GPR39: variants seen among roughly 807,000 people sequenced by gnomAD.
GPR39 encodes the protein G protein-coupled receptor 39, also known as zinc sensing receptor.
A neutral mutation model predicts 18.4 loss-of-function variants in GPR39; 23 were observed. The ratio of observed to expected loss-of-function variants is 1.25; its 90% CI spans 0.90 to 1.77. The LOEUF (loss-of-function observed/expected upper bound fraction) is 1.77, where lower values mean the gene tolerates loss of function less well. Among genes scored for constraint, GPR39 ranks in the 40% most tolerant of loss-of-function variants. The probability of loss-of-function intolerance (pLI) is 0.00; values close to 1 mark genes in which losing one functional copy is unlikely to be tolerated. For missense variants in GPR39, 647 were observed against 602.4 expected (o/e 1.07, Z -0.78); for synonymous variants, 280 against 257.9 (o/e 1.09, Z -0.82).
chr2:132,610,777 CAAAAAAAAAA>C (rs34611787), intron 1 of GPR39, among the ~76,000 whole-genome samples: 1 of 88,726 alleles, frequency 1.1e-5, no homozygotes, highest in Non-Finnish European at 2.2e-5. Flanking sequence ...ACTCTGTCTC[CAAAAAAAAAA>C]AAAAAAAAAA....
intron 1 of GPR39, among the ~76,000 whole-genome samples, chr2:132,516,051 G>A (rs377037185): frequency 2.6e-5 from 4 of 152,168 alleles, no homozygotes; most frequent in East Asian, 1.9e-4. Context: ...AGTGACTGAC[G>A]GAAAGATCTT....
chr2:132,457,637 C>T (rs7587810), intron 1 of GPR39, among the ~76,000 whole-genome samples: 76,291 of 152,108 alleles, frequency 0.5, 20,884 homozygotes, highest in Non-Finnish European at 0.62. Flanking sequence ...GCTCAAACGT[C>T]GTGCTGGGAG....
chr2:132,498,255 T>C (rs932987177), intron 1 of GPR39, among the ~76,000 whole-genome samples: 5 of 152,134 alleles, frequency 3.3e-5, no homozygotes, highest in African/African-American at 9.7e-5. Flanking sequence ...CCCTTTACCC[T>C]GAGTCCCCAA....
chr2:132,621,179 T>C (rs1401789160), intron 1 of GPR39, among the ~76,000 whole-genome samples: 1 of 152,052 alleles, frequency 6.6e-6, no homozygotes, highest in African/African-American at 2.4e-5. Flanking sequence ...ATCCCTAGAG[T>C]CCCTCTCCCA....
chr2:132,438,886 G>A (rs1012990392), intron 1 of GPR39, among the ~76,000 whole-genome samples: 1 of 152,168 alleles, frequency 6.6e-6, no homozygotes, highest in Non-Finnish European at 1.5e-5. Flanking sequence ...TTCCATGGCT[G>A]TCGGAATTCC....
chr2:132,513,276 C>T (rs900354477), intron 1 of GPR39, among the ~76,000 whole-genome samples: 2 of 146,762 alleles, frequency 1.4e-5, no homozygotes, highest in Non-Finnish European at 3.0e-5. Flanking sequence ...AGTGCAGAAT[C>T]AACAGTCTGC....
At chr2:132,644,106 TTGTCAC>T (rs1681932196) in intron 1 of GPR39, among the ~76,000 whole-genome samples, 3 of 152,228 alleles carry the variant, frequency 2.0e-5, no homozygotes, top group South Asian at 2.1e-4. Context: ...TTTTTTGCTT[TTGTCAC>T]TGTAACTAAA....
chr2:132,533,212 G>C (rs551591808), intron 1 of GPR39, among the ~76,000 whole-genome samples: 8 of 152,192 alleles, frequency 5.3e-5, no homozygotes, highest in Admixed American at 3.3e-4. Context: ...CAGACAAACA[G>C]AGAGCCAAAT....
intron 1 of GPR39, among the ~76,000 whole-genome samples, chr2:132,454,732 G>A (rs1275948277): frequency 6.6e-6 from 1 of 152,132 alleles, no homozygotes; most frequent in Non-Finnish European, 1.5e-5. Context: ...TGCATCTATT[G>A]AGATAATCAT....
intron 1 of GPR39, among the ~76,000 whole-genome samples, chr2:132,490,547 A>AGG (rs1254596971): frequency 6.6e-6 from 1 of 151,982 alleles, no homozygotes; most frequent in Non-Finnish European, 1.5e-5. Context: ...GTTAACATCT[A>AGG]GTCGGAGAGA....
chr2:132,459,933 G>A (rs1680802352), intron 1 of GPR39, among the ~76,000 whole-genome samples: 1 of 152,188 alleles, frequency 6.6e-6, no homozygotes, highest in African/African-American at 2.4e-5. Flanking sequence ...AAATCACAAT[G>A]TTCCTGGTAG....
chr2:132,567,527 G>T (rs1356853451), intron 1 of GPR39, among the ~76,000 whole-genome samples: 1 of 152,056 alleles, frequency 6.6e-6, no homozygotes, highest in African/African-American at 2.4e-5. Context: ...CACTCTGCAG[G>T]GTCCCCACCA....
Position 132,645,869 on chromosome 2 carries a change from T to TATTC in GPR39, c.*265_*268dup. ...ACTGAAAATTCAGTCAGGCTGAATT[T>TATTC]ATTCAGAATGCTTTACCGAGCTCTT... On this transcript the variant is annotated 3_prime_UTR_variant, in exon 2 of 2. Transcript: ENST00000329321. The TATTC allele has an allele frequency of 1.5e-6, 1 of 658,378 alleles. No homozygotes were observed. The highest frequency in any genetic ancestry group is 2.2e-5 in the South Asian group (1 of 45,308). 40.8% of individuals were successfully genotyped at this position (658,378 alleles called of 1,614,324 possible).
chr2:132,579,526 T>C (rs1680588857), intron 1 of GPR39, among the ~76,000 whole-genome samples: 1 of 152,252 alleles, frequency 6.6e-6, no homozygotes, highest in South Asian at 2.1e-4. Context: ...TTATGACTAG[T>C]TCTACTAATT....
chr2:132,433,454 G>C (rs540396412), intron 1 of GPR39, among the ~76,000 whole-genome samples: 1 of 151,932 alleles, frequency 6.6e-6, no homozygotes, highest in Non-Finnish European at 1.5e-5. Context: ...AAGTGATCTC[G>C]TGGGCTTCTC....
At chr2:132,631,444 G>A (rs897101481) in intron 1 of GPR39, among the ~76,000 whole-genome samples, 5 of 152,162 alleles carry the variant, frequency 3.3e-5, no homozygotes, top group African/African-American at 1.2e-4. Flanking sequence ...ATCCTCATCT[G>A]ATCATTCTTG....
At chr2:132,595,401 G>A (rs970226666) in intron 1 of GPR39, among the ~76,000 whole-genome samples, 1 of 152,102 alleles carries the variant, frequency 6.6e-6, no homozygotes, top group African/African-American at 2.4e-5. Flanking sequence ...GTTACCATGG[G>A]CCTAATTTTG....
chr2:132,433,382 T>C (rs1680257342), intron 1 of GPR39, among the ~76,000 whole-genome samples: 1 of 152,172 alleles, frequency 6.6e-6, no homozygotes, highest in African/African-American at 2.4e-5. Context: ...CTTGCAACTC[T>C]GTGTGACGCT....
intron 1 of GPR39, among the ~76,000 whole-genome samples, chr2:132,469,767 C>T (rs572923588): frequency 3.7e-4 from 57 of 152,274 alleles, no homozygotes; most frequent in African/African-American, 1.2e-3. Context: ...GAGCCTCTCC[C>T]GAGCACCTGC....
Sources: gnomAD v4.1 joint callset for allele counts (sites outside exome capture counted in the v4.1 genomes callset) on GRCh38, gnomAD v4.1.1 for gene constraint, MANE v1.5 for transcripts, NCBI Gene and HGNC (gene_info 2026-07-23, HGNC 2026-07-21) for gene names.